Variants in STK16 observed in about 807,000 individuals in gnomAD.
STK16 encodes serine/threonine-protein kinase 16.
In STK16, 28 loss-of-function variants were observed where a neutral mutation model predicts 37.8. The observed-to-expected ratio is 0.74, with a 90% CI of 0.55 to 1.02. The LOEUF (loss-of-function observed/expected upper bound fraction) is 1.02, where lower values mean the gene tolerates loss of function less well. Ranked by LOEUF, STK16 falls within the 50% of genes least tolerant of loss-of-function variation. The probability of loss-of-function intolerance (pLI) is 0.00; values close to 1 mark genes in which losing one functional copy is unlikely to be tolerated. For synonymous variants in STK16, 134 were observed against 155.0 expected, an observed-to-expected ratio of 0.86 and a Z score of 1.01; for missense variants, 349 against 390.6, an observed-to-expected ratio of 0.89 and a Z score of 0.90.
chr2:219,247,632 C>G (rs2125066275), intron 5 of STK16, 30 bp from the exon 6 acceptor site: 1 of 1,613,218 alleles, frequency 6.2e-7, no homozygotes, highest in Admixed American at 1.7e-5. Flanking sequence ...ACCTGTGCCC[C>G]ACTTTTGAGC....
chr2:219,246,664 A>G lies in STK16; in HGVS notation c.94A>G (p.Ser32Gly), dbSNP rs1215165343. ...GACCCCTTTGGCCCACAGTGGGTTC[A>G]GCTATGTGGACCTAGTGGAAGGGTT... ...FIQKLGEGGF[S>G]YVDLVEGLHD... The change falls in exon 3 of 8, where the codon AGC becomes GGC. Residue 32 changes from serine to glycine, a missense_variant. Ser to Gly is a moderately conservative substitution (Grantham distance 56). Transcript: ENST00000396738. This position sits in a 1 kb window ranked among gnomAD's most constrained non-coding sequence, Gnocchi z 4.5. The G allele has an allele frequency of 7.4e-6, 12 of 1,613,972 alleles. No individual in the cohort carries two copies. The highest frequency in any genetic ancestry group is 1.0e-5 in the Non-Finnish European group (12 of 1,179,852).
intron 6 of STK16, 27 bp downstream of exon 6, chr2:219,247,784 G>T: frequency 6.4e-7 from 1 of 1,553,326 alleles, no homozygotes; most frequent in South Asian, 1.2e-5. Flanking sequence ...TGGGTATCTG[G>T]GTAGGGAGGG....
At chr2:219,245,874 C>G in intron 1 of STK16, 22 bp from the exon 2 acceptor site, 3 of 690,472 alleles carry the variant, frequency 4.3e-6, no homozygotes, top group Non-Finnish European at 7.4e-6. Flanking sequence ...GACCTGTGAC[C>G]CTGCCGTTGT....
At chr2:219,247,392 A>C (rs1285520290) in intron 4 of STK16, 23 bp from the exon 5 acceptor site, 19 of 1,613,704 alleles carry the variant, frequency 1.2e-5, no homozygotes, top group Non-Finnish European at 1.6e-5. Context: ...AGATGCTCAT[A>C]GGTCACTTCT....
Position 219,250,220 on chromosome 2 carries a change from G to GAGC in STK16, c.*1672_*1674dup. ...GGATAAGGGTCATGAACAGCAAACA[G>GAGC]AGCAGCAGCAGCATGAAGGGGAAGG... On this transcript the variant is annotated 3_prime_UTR_variant, in exon 8 of 8. Coordinates refer to ENST00000396738, the MANE Select transcript of STK16 (RefSeq NM_001330213.2). This position sits in a 1 kb window ranked among gnomAD's most constrained non-coding sequence, Gnocchi z 8.4. The GAGC allele has an allele frequency of 3.0e-6, 4 of 1,320,244 alleles. No homozygotes were observed. Among genetic ancestry groups the GAGC allele is most frequent in the Non-Finnish European group, 3.1e-6 (3 of 953,942 alleles). The allele number at this position is 1,320,244 out of a possible 1,614,324, so 81.8% of individuals were successfully genotyped here.
At chr2:219,247,634 C>T in intron 5 of STK16, 28 bp from the exon 6 acceptor site, 1 of 1,613,164 alleles carries the variant, frequency 6.2e-7, no homozygotes, top group Non-Finnish European at 8.5e-7. Context: ...CTGTGCCCCA[C>T]TTTTGAGCTC....
rs1017836566 is a variant in STK16 at position 219,247,091 on chromosome 2, T to C, written c.307-22T>C. The stretch of plus-strand genomic sequence containing the variant: ...CAGAGGCTCCAAAAACATCTCCAAC[T>C]GTAGGGAAACTTGTGTTGCAGAGAG... On this transcript the variant is annotated intron_variant, in intron 3 of 7. Transcript: ENST00000396738. 6 of 1,614,032 alleles carry C rather than the reference T, an allele frequency of 3.7e-6. No individual in the cohort carries two copies. In the South Asian group the frequency reaches 6.6e-5, roughly 18 times the overall value.
Position 219,249,957 on chromosome 2 carries a change from T to G in STK16, c.*1398T>G. On this transcript the variant is annotated 3_prime_UTR_variant, in exon 8 of 8. Transcript: ENST00000396738. Reference sequence around the variant, plus strand: ...AAGCCTTGCTTCCAGAGTTGGTAAATGTAGAGGCAGCAGGAAGAACAGGGT... The same window carrying G: ...AAGCCTTGCTTCCAGAGTTGGTAAAGGTAGAGGCAGCAGGAAGAACAGGGT... 5.7e-6 allele frequency: 1 copy of G among 175,500 alleles called. No individual in the cohort carries two copies. Among genetic ancestry groups the G allele is most frequent in the South Asian group, 1.2e-4 (1 of 8,076 alleles). 10.9% of individuals were successfully genotyped at this position (175,500 alleles called of 1,614,324 possible). A position where few individuals can be genotyped will look rare whatever the true frequency, so the allele number is the denominator to read the frequency against.
At chr2:219,247,313 G>A in intron 4 of STK16, 67 bp downstream of exon 4, 1 of 1,609,320 alleles carries the variant, frequency 6.2e-7, no homozygotes, top group Non-Finnish European at 8.5e-7. Context: ...GACATGGGAG[G>A]TCTCTGTTCT....
intron 3 of STK16, 89 bp from the exon 4 acceptor site, chr2:219,247,024 G>A (rs1951549768): frequency 1.9e-6 from 3 of 1,581,784 alleles, no homozygotes; most frequent in South Asian, 1.1e-5. Context: ...TCATGAAAGG[G>A]CTGATAGGCT....
At chr2:219,247,275 G>A in intron 4 of STK16, 29 bp downstream of exon 4, 1 of 1,612,942 alleles carries the variant, frequency 6.2e-7, no homozygotes, top group African/African-American at 1.3e-5. Context: ...TGTGCTTGCT[G>A]GGGCCCAGAG....
At position 219,247,168 on chromosome 2, in the gene STK16, C is replaced by G. The variant is rs778455804; in HGVS notation, c.362C>G (p.Thr121Ser). ...CTGAAGGACAAAGGCAACTTCCTGA[C>G]CGAGGATCAAATCCTTTGGCTGCTG... ...ERLKDKGNFLTEDQILWLLLG... is the reference protein window; with the variant it reads ...ERLKDKGNFLSEDQILWLLLG... The change falls in exon 4 of 8, where the codon ACC becomes AGC. Residue 121 changes from threonine (T) to serine (S), a missense_variant. Transcript: ENST00000396738. 2.5e-6 allele frequency: 4 copies of G among 1,614,242 alleles called. No homozygotes were observed. In the Admixed American group the frequency reaches 6.7e-5, roughly 27 times the overall value.
At position 219,246,765 on chromosome 2, in the gene STK16, AGCC is replaced by A. The variant is rs752479408; in HGVS notation, c.197_199del (p.Ala66del). On this transcript the variant is annotated inframe_deletion, in exon 3 of 8. Coordinates refer to ENST00000396738, the MANE Select transcript of STK16 (RefSeq NM_001330213.2). The surrounding 1 kb of genome is among the most constrained non-coding windows in gnomAD (Gnocchi z 4.5). ...AGGACCGGGAGGAGGCCCAGCGAGA[AGCC>A]GACATGCATCGCCTCTTCAATCACC... The A allele has an allele frequency of 6.2e-7, 1 of 1,614,220 alleles. No homozygotes were observed. The highest frequency in any genetic ancestry group is 8.5e-7 in the Non-Finnish European group (1 of 1,180,044).
rs1272872235 is a variant in STK16, at chr2:219,245,910, C to T, written c.-90C>T. ...TTTCTTTCCAGCATGATCCGCTGGG[C>T]CCCCAGCGCATCTCCTGGAAGAGCC... On this transcript the variant is annotated 5_prime_UTR_variant, in exon 2 of 8. Transcript: ENST00000396738. 8 of 1,004,086 alleles carry T rather than the reference C, an allele frequency of 8.0e-6. No individual in the cohort carries two copies. The highest frequency in any genetic ancestry group is 2.1e-5 in the Admixed American group (1 of 47,104). The allele number at this position is 1,004,086 out of a possible 1,614,324, so 62.2% of individuals were successfully genotyped here. A position where few individuals can be genotyped will look rare whatever the true frequency, so the allele number is the denominator to read the frequency against.
At position 219,249,297 on chromosome 2, in the gene STK16, G is replaced by A. The variant is rs540924426; in HGVS notation, c.*738G>A. 5 of 152,424 alleles carry A rather than the reference G, an allele frequency of 3.3e-5. No homozygotes were observed. Among genetic ancestry groups the A allele is most frequent in the South Asian group, 4.1e-4 (2 of 4,830 alleles). The allele number at this position is 152,424 out of a possible 1,614,324, so 9.4% of individuals were successfully genotyped here. A position where few individuals can be genotyped will look rare whatever the true frequency, so the allele number is the denominator to read the frequency against. ...GGTCTCCCATCCTCAGCCTAGGGGC[G>A]AGGGGAGTGGAGGTGGCAGCGGCAG... On this transcript the variant is annotated 3_prime_UTR_variant, in exon 8 of 8. Coordinates refer to ENST00000396738, the MANE Select transcript of STK16 (RefSeq NM_001330213.2).
intron 4 of STK16, 69 bp from the exon 5 acceptor site, chr2:219,247,346 T>C (rs1951558651): frequency 5.0e-6 from 8 of 1,609,466 alleles, no homozygotes; most frequent in African/African-American, 2.7e-5. Context: ...CCTGTATGAT[T>C]CTTTTGCTTG....
intron 3 of STK16, 25 bp from the exon 4 acceptor site, chr2:219,247,088 A>C: frequency 8.1e-6 from 13 of 1,614,000 alleles, no homozygotes; most frequent in Non-Finnish European, 1.1e-5. Context: ...AAACATCTCC[A>C]ACTGTAGGGA....
chr2:219,246,577 A>T lies in STK16; in HGVS notation c.87-80A>T. On this transcript the variant is annotated intron_variant, in intron 2 of 7. Coordinates refer to ENST00000396738, the MANE Select transcript of STK16 (RefSeq NM_001330213.2). This position sits in a 1 kb window ranked among gnomAD's most constrained non-coding sequence, Gnocchi z 4.5. ...TTCTGCTAAATGGGAAGGACACCCC[A>T]CTCCCCACCAGGAAATTTCTCTAGG... is the stretch of plus-strand genomic sequence containing the variant. 8.8e-7 allele frequency: 1 copy of T among 1,142,062 alleles called. No homozygotes were observed. The highest frequency in any genetic ancestry group is 1.3e-6 in the Non-Finnish European group (1 of 762,104). 70.7% of individuals were successfully genotyped at this position (1,142,062 alleles called of 1,614,324 possible).
chr2:219,250,287 A>G lies in STK16; in HGVS notation c.*1728A>G. On this transcript the variant is annotated 3_prime_UTR_variant, in exon 8 of 8. Transcript: ENST00000396738. The surrounding 1 kb of genome is among the most constrained non-coding windows in gnomAD (Gnocchi z 8.4). The stretch of plus-strand genomic sequence containing the variant: ...ACTCAGAGGGAACAAGAAACCGTGC[A>G]AGGAAACTGTTTATTTCGAAAGGAT... 1.3e-6 allele frequency: 2 copies of G among 1,543,960 alleles called. No homozygotes were observed. The highest frequency in any genetic ancestry group is 1.7e-6 in the Non-Finnish European group (2 of 1,145,718).
Sources: gnomAD v4.1 joint callset for allele counts on GRCh38, gnomAD v4.1.1 for gene constraint, Gnocchi (gnomAD v3.1) non-coding constraint, MANE v1.5 for transcripts, NCBI Gene and HGNC (gene_info 2026-07-23, HGNC 2026-07-21) for gene names.